MGME1: variants seen among roughly 807,000 people sequenced by gnomAD.
The protein encoded by MGME1 is chromosome 20 open reading frame 72.
A neutral mutation model predicts 33.0 loss-of-function variants in MGME1; 22 were observed. The ratio of observed to expected loss-of-function variants is 0.67; its 90% CI spans 0.48 to 0.95. MGME1 has a LOEUF of 0.95. MGME1 is among the 40% of genes least tolerant of loss of function. The probability of loss-of-function intolerance (pLI) is 0.00; values close to 1 mark genes in which losing one functional copy is unlikely to be tolerated. For synonymous variants in MGME1, 133 were observed against 144.0 expected, an observed-to-expected ratio of 0.92 and a Z score of 0.55; for missense variants, 383 against 397.8, an observed-to-expected ratio of 0.96 and a Z score of 0.32.
Position 17,989,975 on chromosome 20 carries a change from G to A in MGME1, c.901G>A (p.Gly301Arg), listed in dbSNP as rs114116406. 4.1e-4 allele frequency: 656 copies of A among 1,614,142 alleles called. 5 individuals carry two copies. In the African/African-American group the frequency reaches 7.9e-3, roughly 20 times the overall value. Reference sequence around the variant, plus strand: ...CTTAATTGTGGTGGCCTACAAAGATGGATCACCTGCCCACCCACATTTCAT... The same window carrying A: ...CTTAATTGTGGTGGCCTACAAAGATAGATCACCTGCCCACCCACATTTCAT... The part of the protein sequence containing the change: ...CGLIVVAYKD[G>R]SPAHPHFMDA... Residue 301 changes from glycine (G) to arginine (R), a missense_variant, in exon 5 of 5, where the codon GGA becomes AGA. By Grantham distance (125) the Gly-to-Arg change is moderately radical. Coordinates refer to ENST00000377710, the MANE Select transcript of MGME1 (RefSeq NM_052865.4).
chr20:17,970,162 T>C lies in MGME1; in HGVS notation c.303T>C (p.Phe101=). ...ACAGACGAGTGCCACAAAACTGGTT[T>C]CCTATCTTCAATCCAGAGAGAAGTG... The part of the protein sequence containing the change: ...GEDRRVPQNW[F]PIFNPERSDK... The change falls in exon 2 of 5, where the codon TTT becomes TTC. Residue 101 remains phenylalanine, a synonymous_variant. Coordinates refer to ENST00000377710, the MANE Select transcript of MGME1 (RefSeq NM_052865.4). 1 of 1,614,196 alleles carries C rather than the reference T, an allele frequency of 6.2e-7. No homozygotes were observed. Among genetic ancestry groups the C allele is most frequent in the Non-Finnish European group, 8.5e-7 (1 of 1,180,034 alleles).
At chr20:17,971,988 C>G (rs576681644) in intron 2 of MGME1, among the ~76,000 whole-genome samples, 1 of 152,142 alleles carries the variant, frequency 6.6e-6, no homozygotes, top group Non-Finnish European at 1.5e-5. Context: ...GCTCCCACCT[C>G]GGCCTCCCAG....
intron 2 of MGME1, 70 bp downstream of exon 2, chr20:17,970,440 A>G (rs2035698126): frequency 3.4e-6 from 5 of 1,491,714 alleles, no homozygotes; most frequent in Admixed American, 2.2e-5. Context: ...GTGTCAAAAG[A>G]ATGAGGTTTG....
At chr20:17,974,061 GTTTTTTTT>G (rs34206000) in intron 2 of MGME1, among the ~76,000 whole-genome samples, 4 of 85,496 alleles carry the variant, frequency 4.7e-5, no homozygotes, top group African/African-American at 1.2e-4. Context: ...CTCTTTGTGT[GTTTTTTTT>G]TTTTTTTTTT....
intron 3 of MGME1, among the ~76,000 whole-genome samples, chr20:17,985,036 CAAAAAAAAAAAA>C (rs535060718): frequency 2.5e-3 from 260 of 103,176 alleles, no homozygotes; most frequent in Non-Finnish European, 3.8e-3. Flanking sequence ...GACTTTGTCT[CAAAAAAAAAAAA>C]AAAAAAAAAG....
chr20:17,989,677 A>G (rs1467040162), intron 4 of MGME1, among the ~76,000 whole-genome samples: 1 of 151,220 alleles, frequency 6.6e-6, no homozygotes, highest in African/African-American at 2.4e-5. Context: ...AAAGAAAAAA[A>G]AAGCACTTTT....
chr20:17,983,106 CTCTT>C (rs1183975178), intron 3 of MGME1, among the ~76,000 whole-genome samples: 13 of 152,254 alleles, frequency 8.5e-5, no homozygotes, highest in African/African-American at 2.2e-4. Flanking sequence ...TCTACTCTCT[CTCTT>C]TCTGAGTTCG....
intron 3 of MGME1, among the ~76,000 whole-genome samples, chr20:17,984,282 A>G (rs887460667): frequency 7.2e-5 from 11 of 152,264 alleles, no homozygotes; most frequent in Non-Finnish European, 1.5e-4. Flanking sequence ...TTATGCTATT[A>G]TCATGCTGTT....
At chr20:17,983,121 A>G (rs1286218810) in intron 3 of MGME1, among the ~76,000 whole-genome samples, 1 of 151,998 alleles carries the variant, frequency 6.6e-6, no homozygotes, top group Non-Finnish European at 1.5e-5. Flanking sequence ...TCTGAGTTCG[A>G]CTTTTTTAGA....
intron 3 of MGME1, among the ~76,000 whole-genome samples, chr20:17,984,602 C>A (rs1434469648): frequency 6.6e-6 from 1 of 152,136 alleles, no homozygotes; most frequent in Non-Finnish European, 1.5e-5. Flanking sequence ...ACAACTATTA[C>A]TGGCATATTA....
In MGME1 at chr20:17,970,263, G is replaced by A. The variant is rs1315706477; in HGVS notation, c.404G>A (p.Arg135Gln). Reference protein sequence around the residue: ...LQRNVIPSVTRVLQQTMTKQQ... With the variant: ...LQRNVIPSVTQVLQQTMTKQQ... Reference sequence around the variant, plus strand: ...AGGAATGTGATACCAAGTGTGACCCGAGTCCTTCAGCAGACCATGACAAAA... The same window carrying A: ...AGGAATGTGATACCAAGTGTGACCCAAGTCCTTCAGCAGACCATGACAAAA... Residue 135 changes from arginine to glutamine, a missense_variant, in exon 2 of 5, where the codon CGA becomes CAA. Coordinates refer to ENST00000377710, the MANE Select transcript of MGME1 (RefSeq NM_052865.4). The A allele has an allele frequency of 1.9e-6, 3 of 1,614,086 alleles. No individual in the cohort carries two copies. Among genetic ancestry groups the A allele is most frequent in the South Asian group, 1.1e-5 (1 of 91,088 alleles).
At chr20:17,988,413 C>T (rs920775956) in intron 4 of MGME1, 115 bp downstream of exon 4, 17 of 1,079,246 alleles carry the variant, frequency 1.6e-5, no homozygotes, top group African/African-American at 4.8e-5. Context: ...AGGCCAAGGC[C>T]GGTGGATCAC....
Position 17,969,898 on chromosome 20 carries a change from C to T in MGME1, c.39C>T (p.Leu13=). Residue 13 remains leucine, a synonymous_variant, in exon 2 of 5, where the codon CTC becomes CTT. Coordinates refer to ENST00000377710, the MANE Select transcript of MGME1 (RefSeq NM_052865.4). ...MKLFQTICRQ[L]RSSKFSVESA... is the part of the protein sequence containing the mutation. The stretch of plus-strand genomic sequence containing the variant: ...TATTTCAGACCATTTGCAGGCAGCT[C>T]AGGAGTTCAAAGTTTTCTGTGGAAT... 6.2e-7 allele frequency: 1 copy of T among 1,613,574 alleles called. No homozygotes were observed.
At chr20:17,987,206 C>T (rs951456475) in intron 3 of MGME1, among the ~76,000 whole-genome samples, 6 of 150,470 alleles carry the variant, frequency 4.0e-5, no homozygotes, top group Non-Finnish European at 7.4e-5. Flanking sequence ...CCAGGAATGG[C>T]ATCCTAGAGT....
chr20:17,968,683 C>T (rs1370128268), upstream of MGME1: 3 of 576,632 alleles, frequency 5.2e-6, 1 homozygote, highest in South Asian at 5.2e-5. Context: ...CGGGCAAAGA[C>T]GCCACGTGGG....
chr20:17,984,480 C>T (rs1218354481), intron 3 of MGME1, among the ~76,000 whole-genome samples: 1 of 151,958 alleles, frequency 6.6e-6, no homozygotes, highest in African/African-American at 2.4e-5. Flanking sequence ...AAACTAACCT[C>T]CTATTCAGTC....
chr20:17,982,191 C>T (rs1023482497), intron 3 of MGME1, among the ~76,000 whole-genome samples: 7 of 152,164 alleles, frequency 4.6e-5, no homozygotes, highest in African/African-American at 1.7e-4. Context: ...TGAAATGGTG[C>T]GGCACCGCAA....
chr20:17,978,998 G>A (rs1242096929), intron 3 of MGME1, among the ~76,000 whole-genome samples: 2 of 151,894 alleles, frequency 1.3e-5, no homozygotes, highest in Non-Finnish European at 2.9e-5. Context: ...GGCTGGTCTC[G>A]AGCTCCGGGC....
chr20:17,973,466 A>C (rs2035779502), intron 2 of MGME1, among the ~76,000 whole-genome samples: 1 of 152,148 alleles, frequency 6.6e-6, no homozygotes, highest in South Asian at 2.1e-4. Context: ...TAGGCAACGT[A>C]GAGAGATTGC....
Sources: allele counts gnomAD v4.1 joint callset (sites outside exome capture counted in the v4.1 genomes callset), GRCh38; gene constraint gnomAD v4.1.1; transcripts MANE v1.5; gene names NCBI Gene and HGNC (gene_info 2026-07-23, HGNC 2026-07-21).